PLXNB2: variants seen among roughly 807,000 people sequenced by gnomAD.
PLXNB2 encodes plexin-B2.
In PLXNB2, 85 loss-of-function variants were observed where a neutral mutation model predicts 202.6. The ratio of observed to expected loss-of-function variants is 0.42; its 90% CI spans 0.35 to 0.50. PLXNB2 has a LOEUF of 0.50. Ranked by LOEUF, PLXNB2 falls within the 20% of genes least tolerant of loss-of-function variation. The probability of loss-of-function intolerance (pLI) is 0.02; values close to 1 mark genes in which losing one functional copy is unlikely to be tolerated. For missense variants in PLXNB2, 2,063 were observed against 2,586.2 expected (o/e 0.80, Z 4.39); for synonymous variants, 1,239 against 1,137.6 (o/e 1.09, Z -1.79).
chr22:50,302,140 G>C (rs1178167022), intron 1 of PLXNB2, among the ~76,000 whole-genome samples: 1 of 152,238 alleles, frequency 6.6e-6, no homozygotes, highest in East Asian at 1.9e-4. Context: ...GGCCGTCTCA[G>C]CAGGGGAGAG....
rs748120996 is a variant in PLXNB2 at position 50,280,889 on chromosome 22, C to T, written c.3848G>A (p.Arg1283His). The part of the protein sequence containing the change: ...PVLDYKTYTD[R>H]VFFLPSKDGD... ...GTCCTTGGAGGGCAGGAAGAAGACGCGGTCGGTGTAGGTCTTGTAGTCCAG... is the reference window on the plus strand; with the variant it reads ...GTCCTTGGAGGGCAGGAAGAAGACGTGGTCGGTGTAGGTCTTGTAGTCCAG... The change falls in exon 24 of 37, where the codon CGC (arginine) becomes CAC (histidine). Residue 1283 changes from arginine (R) to histidine (H), a missense_variant. Physicochemically the swap from Arg to His is conservative, Grantham distance 29 (BLOSUM62 0). Coordinates refer to ENST00000359337, the MANE Select transcript of PLXNB2 (RefSeq NM_012401.4). 20 of 1,613,434 alleles carry T rather than the reference C, an allele frequency of 1.2e-5. No individual in the cohort carries two copies. Among genetic ancestry groups the T allele is most frequent in the South Asian group, 4.4e-5 (4 of 91,094 alleles).
In PLXNB2 at chr22:50,289,414, G is replaced by A. The variant is rs1041679962; in HGVS notation, c.1068+103C>T. On this transcript the variant is annotated intron_variant, in intron 3 of 36. Coordinates refer to ENST00000359337, the MANE Select transcript of PLXNB2 (RefSeq NM_012401.4). The surrounding 1 kb of genome is among the most constrained non-coding windows in gnomAD (Gnocchi z 8.0). The stretch of plus-strand genomic sequence containing the variant: ...AAGCGCCCAGGCTGGCGAGAGCCAC[G>A]GCCACACTGCTCACGTGCACCCTCC... The A allele has an allele frequency of 3.9e-5, 55 of 1,397,318 alleles. No homozygotes were observed. The highest frequency in any genetic ancestry group is 1.0e-4 in the Admixed American group (4 of 38,376). The allele number at this position is 1,397,318 out of a possible 1,614,324, so 86.6% of individuals were successfully genotyped here. A position where few individuals can be genotyped will look rare whatever the true frequency, so the allele number is the denominator to read the frequency against.
Position 50,290,260 on chromosome 22 carries a change from G to A in PLXNB2, c.325C>T (p.Leu109=), listed in dbSNP as rs1294132972. 4 of 1,611,702 alleles carry A rather than the reference G, an allele frequency of 2.5e-6. No individual in the cohort carries two copies. Among genetic ancestry groups the A allele is most frequent in the African/African-American group, 1.3e-5 (1 of 74,950 alleles). Residue 109 remains leucine (L), a synonymous_variant, in exon 3 of 37, where the codon CTG becomes TTG. Transcript: ENST00000359337. The part of the protein sequence containing the change: ...LLLLDPPRKR[L]VECGSLFKGI... ...TTGAAGAGGCTGCCGCACTCCACCA[G>A]GCGCTTCCTGGGAGGGTCGAGCAGC...
intron 1 of PLXNB2, 70 bp downstream of exon 1, chr22:50,307,483 G>C: frequency 3.5e-6 from 3 of 868,282 alleles, no homozygotes; most frequent in Non-Finnish European, 4.1e-6. Flanking sequence ...GGGCGGAGCG[G>C]CGCTGACGGC....
chr22:50,299,258 C>T (rs1474328653), intron 1 of PLXNB2, among the ~76,000 whole-genome samples: 1 of 132,892 alleles, frequency 7.5e-6, no homozygotes, highest in African/African-American at 2.9e-5. Context: ...TGCGGCCCTC[C>T]AGGGCTCAAA....
chr22:50,287,538 C>T (rs550652067), intron 7 of PLXNB2, 129 bp downstream of exon 7: 25 of 1,028,750 alleles, frequency 2.4e-5, no homozygotes, highest in African/African-American at 8.0e-5. Context: ...CCCTAAGGCT[C>T]GGTGCCCAGA....
chr22:50,282,688 G>A (rs1194406309), intron 18 of PLXNB2, 23 bp downstream of exon 18: 2 of 1,552,684 alleles, frequency 1.3e-6, no homozygotes, highest in East Asian at 4.6e-5. Context: ...GAGCAGAGGG[G>A]GGCGGGGGGA....
chr22:50,307,623 G>A lies in PLXNB2; in HGVS notation c.-144C>T, dbSNP rs2067940491. On this transcript the variant is annotated 5_prime_UTR_variant, in exon 1 of 37. Transcript: ENST00000359337. ...GCGCTGCGCTCTGGCCCGCGCTGCT[G>A]CCATGGAGACGGGGCCTTTGTGTGG... 1.0e-6 allele frequency: 1 copy of A among 982,090 alleles called. No individual in the cohort carries two copies. Among genetic ancestry groups the A allele is most frequent in the Non-Finnish European group, 1.2e-6 (1 of 828,572 alleles). 60.8% of individuals were successfully genotyped at this position (982,090 alleles called of 1,614,324 possible).
At chr22:50,279,513 A>G in intron 27 of PLXNB2, 117 bp downstream of exon 27, 6 of 1,006,560 alleles carry the variant, frequency 6.0e-6, no homozygotes, top group Non-Finnish European at 9.0e-6. Context: ...TGTAACTCGA[A>G]TCCACAGAGG....
rs1601675680 is a variant in PLXNB2, at chr22:50,277,963, A to T, written c.4938T>A (p.Pro1646=). ...TGACTGCAGGTGGCACCGCGTGCCC[A>T]GGCGCCAGCACGCTCTGGAAGAAGT... ...VDNFFQSVLA[P]GHAVPPAVKY... is the part of the protein sequence containing the mutation. Residue 1646 remains proline, a synonymous_variant, in exon 32 of 37, where the codon CCT becomes CCA. Coordinates refer to ENST00000359337, the MANE Select transcript of PLXNB2 (RefSeq NM_012401.4). 2.5e-6 allele frequency: 4 copies of T among 1,612,654 alleles called. No homozygotes were observed. The African/African-American group carries it at 5.3e-5, about 22-fold the overall frequency.
At position 50,283,161 on chromosome 22, in the gene PLXNB2, G is replaced by A. The variant is rs780989066; in HGVS notation, c.2705C>T (p.Pro902Leu). ...FQQPKPLSVEPQQGPQAGGTT... is the reference protein window; with the variant it reads ...FQQPKPLSVELQQGPQAGGTT... Reference sequence around the variant, plus strand: ...GCCGCCCGCCTGCGGTCCCTGCTGCGGCTCCACACTGAGAGGCTTGGGCTG... The same window carrying A: ...GCCGCCCGCCTGCGGTCCCTGCTGCAGCTCCACACTGAGAGGCTTGGGCTG... Residue 902 changes from proline (P) to leucine (L), a missense_variant, in exon 17 of 37, where the codon CCG becomes CTG. Around this residue, in one of 2 missense-constraint regions of PLXNB2, gnomAD observed 1,303 missense variants for 1,476.8 expected, o/e 0.88. Coordinates refer to ENST00000359337, the MANE Select transcript of PLXNB2 (RefSeq NM_012401.4). The A allele has an allele frequency of 5.0e-6, 8 of 1,598,504 alleles. No homozygotes were observed. Among genetic ancestry groups the A allele is most frequent in the South Asian group, 1.1e-5 (1 of 89,510 alleles).
intron 35 of PLXNB2, 95 bp from the exon 36 acceptor site, chr22:50,276,058 G>A (rs2065535183): frequency 1.5e-5 from 19 of 1,231,448 alleles, no homozygotes; most frequent in Admixed American, 9.0e-5. Flanking sequence ...AGGCCTCCCC[G>A]GGGAAGCAGC....
rs1047506126 is a variant in PLXNB2, at chr22:50,301,113, G to A, written c.-73-6335C>T. Among the ~76,000 whole-genome samples, 10 of 152,156 alleles carry A rather than the reference G, an allele frequency of 6.6e-5. No individual in the cohort carries two copies. In the East Asian group the frequency reaches 7.7e-4, roughly 12 times the overall value. On this transcript the variant is annotated intron_variant, in intron 1 of 36. Coordinates refer to ENST00000359337, the MANE Select transcript of PLXNB2 (RefSeq NM_012401.4). The stretch of plus-strand genomic sequence containing the variant: ...CCTCCTCAGCCTCCTCTCTGGCCAC[G>A]GCCCACTGGCGCATCTGGAGGATGG...
chr22:50,284,909 C>T lies in PLXNB2; in HGVS notation c.2089-244G>A, dbSNP rs1465290624. ...CCCACGGCCACCTCCACCACTCATCCACACCTGAGAACATCGCCCGGCCCA... is the reference window on the plus strand; with the variant it reads ...CCCACGGCCACCTCCACCACTCATCTACACCTGAGAACATCGCCCGGCCCA... On this transcript the variant is annotated intron_variant, in intron 11 of 36. Coordinates refer to ENST00000359337, the MANE Select transcript of PLXNB2 (RefSeq NM_012401.4). The surrounding 1 kb of genome is among the most constrained non-coding windows in gnomAD (Gnocchi z 8.0). 1.1e-5 allele frequency: 7 copies of T among 640,766 alleles called. No individual in the cohort carries two copies. Among genetic ancestry groups the T allele is most frequent in the Non-Finnish European group, 2.1e-5 (7 of 336,054 alleles). The allele number at this position is 640,766 out of a possible 1,614,324, so 39.7% of individuals were successfully genotyped here.
intron 27 of PLXNB2, 110 bp from the exon 28 acceptor site, chr22:50,279,121 G>A: frequency 1.7e-6 from 2 of 1,158,480 alleles, no homozygotes; most frequent in Non-Finnish European, 1.2e-6. Context: ...GCACCCTTGG[G>A]CAGCAGGCCC....
At chr22:50,306,920 G>A (rs1166064684) in intron 1 of PLXNB2, among the ~76,000 whole-genome samples, 1 of 152,238 alleles carries the variant, frequency 6.6e-6, no homozygotes, top group Non-Finnish European at 1.5e-5. Context: ...AGGGGCGCTG[G>A]CAGGGCAGGG....
In PLXNB2 at chr22:50,275,965, TG is replaced by T; in HGVS notation, c.5338-3del. 2 of 1,612,184 alleles carry T rather than the reference TG, an allele frequency of 1.2e-6. No homozygotes were observed. Among genetic ancestry groups the T allele is most frequent in the Middle Eastern group, 1.7e-4 (1 of 6,060 alleles). ...GGTGTTCAAGGAGTCCGTGTGCGCC[TG>T]GGGGGTGACGGGACAGTCAGGGTGG... On this transcript the variant is annotated splice_region_variant and splice_polypyrimidine_tract_variant and intron_variant, in intron 35 of 36. Transcript: ENST00000359337.
Position 50,286,117 on chromosome 22 carries a change from G to A in PLXNB2, c.1878-19C>T, listed in dbSNP as rs997437108. 4.3e-6 allele frequency: 7 copies of A among 1,611,422 alleles called. No homozygotes were observed. The highest frequency in any genetic ancestry group is 1.7e-5 in the Admixed American group (1 of 60,030). ...GATGCACCTGCATCCAGAGGGGATCGTGAGCAGGGCTGGGGTGGACGGGCA... is the reference window on the plus strand; with the variant it reads ...GATGCACCTGCATCCAGAGGGGATCATGAGCAGGGCTGGGGTGGACGGGCA... On this transcript the variant is annotated intron_variant, in intron 9 of 36. Transcript: ENST00000359337.
chr22:50,280,480 C>G lies in PLXNB2; in HGVS notation c.4175+9G>C, dbSNP rs373327787. ...CCGTGGCCCCGCTCGTGGCCCCGCC[C>G]ATGTGCACCTGCGCAGCATCAGCTT... On this transcript the variant is annotated intron_variant, in intron 25 of 36. Coordinates refer to ENST00000359337, the MANE Select transcript of PLXNB2 (RefSeq NM_012401.4). The G allele has an allele frequency of 4.4e-6, 7 of 1,596,704 alleles. No homozygotes were observed. Among genetic ancestry groups the G allele is most frequent in the Non-Finnish European group, 6.0e-6 (7 of 1,171,614 alleles).
Sources: allele counts gnomAD v4.1 joint callset (sites outside exome capture counted in the v4.1 genomes callset), GRCh38; gene constraint gnomAD v4.1.1; regional missense constraint gnomAD v4.1.1; non-coding constraint Gnocchi (gnomAD v3.1); transcripts MANE v1.5; gene names NCBI Gene and HGNC (gene_info 2026-07-23, HGNC 2026-07-21).